COL24A1: variants seen among roughly 807,000 people sequenced by gnomAD.
COL24A1 encodes the protein collagen alpha-1(XXIV) chain.
Under a neutral mutation model 253.9 loss-of-function variants are expected in COL24A1, and 224 were observed. The ratio of observed to expected loss-of-function variants is 0.88; its 90% CI spans 0.79 to 0.99. The LOEUF is 0.99. Ranked by LOEUF, COL24A1 falls within the 50% of genes least tolerant of loss-of-function variation. COL24A1 has a pLI of 0.00. For synonymous variants in COL24A1, 685 were observed against 673.7 expected (o/e 1.02, Z -0.26); for missense variants, 2,131 against 2,068.5 (o/e 1.03, Z -0.59).
intron 24 of COL24A1, among the ~76,000 whole-genome samples, chr1:85,947,624 A>G (rs1210642141): frequency 6.6e-6 from 1 of 152,124 alleles, no homozygotes; most frequent in Non-Finnish European, 1.5e-5. Flanking sequence ...GGGCAACAAA[A>G]TATTTGTTTT....
chr1:85,745,589 C>T, intron 55 of COL24A1, 83 bp from the exon 56 acceptor site: 1 of 969,918 alleles, frequency 1.0e-6, no homozygotes, highest in Non-Finnish European at 1.6e-6. Context: ...TCTGAAAGCA[C>T]TGCTGTTAAA....
intron 24 of COL24A1, among the ~76,000 whole-genome samples, chr1:85,917,443 C>G (rs1686003054): frequency 6.6e-6 from 1 of 151,976 alleles, no homozygotes; most frequent in African/African-American, 2.4e-5. Flanking sequence ...GTCCTTTGCT[C>G]AACTTATTTT....
At chr1:85,798,658 T>C (rs1256500334) in intron 47 of COL24A1, among the ~76,000 whole-genome samples, 2 of 152,188 alleles carry the variant, frequency 1.3e-5, no homozygotes, top group African/African-American at 2.4e-5. Flanking sequence ...AAGGTGCTGA[T>C]GAAGTGTGTT....
intron 24 of COL24A1, among the ~76,000 whole-genome samples, chr1:85,914,949 T>TG (rs1454054046): frequency 2.0e-5 from 3 of 152,180 alleles, no homozygotes; most frequent in African/African-American, 7.2e-5. Flanking sequence ...GAGATGCATT[T>TG]GGGGGCAAAC....
At chr1:86,023,979 T>G (rs1243333394) in intron 14 of COL24A1, among the ~76,000 whole-genome samples, 2 of 152,120 alleles carry the variant, frequency 1.3e-5, no homozygotes, top group Non-Finnish European at 2.9e-5. Context: ...AAAGTTGCAT[T>G]TGTGAAATGC....
chr1:85,868,905 C>A, intron 35 of COL24A1, 70 bp from the exon 36 acceptor site: 1 of 1,119,816 alleles, frequency 8.9e-7, no homozygotes, highest in South Asian at 1.5e-5. Context: ...TTATTTTTAG[C>A]CCATAGTATA....
chr1:86,063,857 G>C, intron 7 of COL24A1, 98 bp from the exon 8 acceptor site: 1 of 623,394 alleles, frequency 1.6e-6, no homozygotes, highest in Non-Finnish European at 2.6e-6. Flanking sequence ...CCAACTTTTG[G>C]TTGCCTCATC....
chr1:85,902,384 C>T (rs140934011), intron 28 of COL24A1, among the ~76,000 whole-genome samples: 1 of 152,312 alleles, frequency 6.6e-6, no homozygotes, highest in Non-Finnish European at 1.5e-5. Flanking sequence ...TACACCCCCT[C>T]GCCAATATAT....
chr1:85,773,062 G>A (rs1668147228), intron 53 of COL24A1, among the ~76,000 whole-genome samples: 1 of 152,088 alleles, frequency 6.6e-6, no homozygotes, highest in Admixed American at 6.6e-5. Context: ...TGTAAGGAAG[G>A]GGTCCAGTTT....
intron 38 of COL24A1, 65 bp from the exon 39 acceptor site, chr1:85,847,837 A>G: frequency 1.0e-6 from 1 of 991,520 alleles, no homozygotes. Flanking sequence ...AATTAACTAT[A>G]TCATATTCCT....
chr1:86,124,168 G>T (rs555392831), intron 3 of COL24A1, among the ~76,000 whole-genome samples: 1 of 151,890 alleles, frequency 6.6e-6, no homozygotes, highest in Non-Finnish European at 1.5e-5. Flanking sequence ...GGGCTGAAAA[G>T]TTCAGTTTAT....
At chr1:85,884,806 A>T (rs1328585837) in intron 32 of COL24A1, among the ~76,000 whole-genome samples, 7 of 152,196 alleles carry the variant, frequency 4.6e-5, no homozygotes, top group Non-Finnish European at 1.0e-4. Flanking sequence ...CAAAATGCTT[A>T]CTATCCCTCT....
intron 5 of COL24A1, among the ~76,000 whole-genome samples, chr1:86,101,564 A>G (rs941343955): frequency 5.3e-5 from 8 of 152,144 alleles, no homozygotes; most frequent in African/African-American, 1.9e-4. Flanking sequence ...ATGTTTCTTC[A>G]ATGCCAGGTT....
intron 22 of COL24A1, among the ~76,000 whole-genome samples, chr1:85,969,227 A>G (rs941281768): frequency 1.2e-4 from 19 of 152,168 alleles, no homozygotes; most frequent in Admixed American, 2.6e-4. Flanking sequence ...TTTTCCCCCA[A>G]TGGGATATAG....
At chr1:85,740,453 TTCTC>T (rs140499298) in intron 57 of COL24A1, among the ~76,000 whole-genome samples, 5,797 of 152,190 alleles carry the variant, frequency 0.038, 190 homozygotes, top group East Asian at 0.14. Flanking sequence ...ATATTCTACC[TTCTC>T]TCTCTTTTTG....
chr1:85,947,718 C>G (rs1689467328), intron 24 of COL24A1, among the ~76,000 whole-genome samples: 1 of 152,182 alleles, frequency 6.6e-6, no homozygotes. Context: ...CACTATACTA[C>G]TTCCTAAAAT....
chr1:85,766,062 T>C (rs373405054), intron 53 of COL24A1, among the ~76,000 whole-genome samples: 20 of 152,184 alleles, frequency 1.3e-4, no homozygotes, highest in African/African-American at 4.8e-4. Context: ...TGGCTCTGTT[T>C]AGAATATATA....
At chr1:85,755,921 C>A (rs201613722) in intron 55 of COL24A1, among the ~76,000 whole-genome samples, 1 of 3,498 alleles carries the variant, frequency 2.9e-4, no homozygotes, top group Non-Finnish European at 4.4e-3. Context: ...AAAAAAAAAA[C>A]TTCTGTGCAT....
At chr1:85,906,768 T>A (rs900859294) in intron 28 of COL24A1, among the ~76,000 whole-genome samples, 9 of 152,006 alleles carry the variant, frequency 5.9e-5, no homozygotes, top group Non-Finnish European at 1.2e-4. Context: ...TAACTTTGAT[T>A]TACAATTAAT....
Sources: gnomAD v4.1 joint callset for allele counts (sites outside exome capture counted in the v4.1 genomes callset) on GRCh38, gnomAD v4.1.1 for gene constraint, MANE v1.5 for transcripts, NCBI Gene and HGNC (gene_info 2026-07-23, HGNC 2026-07-21) for gene names.